The following CELF2 variants were observed in gnomAD, a reference collection of about 807,000 sequenced individuals.
CELF2 encodes CUG triplet repeat RNA-binding protein 2.
In CELF2, 8 loss-of-function variants were observed where a neutral mutation model predicts 62.6. The observed-to-expected ratio is 0.13, with a 90% CI of 0.07 to 0.23. The LOEUF is 0.23. CELF2 is among the 10% of genes least tolerant of loss of function. CELF2 has a pLI of 1.00. For synonymous variants in CELF2, 258 were observed against 250.0 expected (o/e 1.03, Z -0.30); for missense variants, 333 against 671.0 (o/e 0.50, Z 5.56).
the CELF2 span, among the ~76,000 whole-genome samples, chr10:10,676,571 A>C: frequency 1.3e-5 from 2 of 152,216 alleles, no homozygotes; most frequent in Non-Finnish European, 2.9e-5. Flanking sequence ...CAAAAGTGTG[A>C]TGGGGTTCCC....
chr10:10,728,518 A>G, the CELF2 span, among the ~76,000 whole-genome samples: 6 of 151,552 alleles, frequency 4.0e-5, no homozygotes, highest in African/African-American at 1.5e-4. Flanking sequence ...GCAGGAAAGC[A>G]CCCAGGAAGG....
At chr10:10,475,836 T>G in the CELF2 span, among the ~76,000 whole-genome samples, 1 of 152,268 alleles carries the variant, frequency 6.6e-6, no homozygotes, top group African/African-American at 2.4e-5. Flanking sequence ...GAGTGCATTT[T>G]TCTTTGAGTG....
At chr10:10,558,643 C>T in the CELF2 span, among the ~76,000 whole-genome samples, 3 of 152,000 alleles carry the variant, frequency 2.0e-5, no homozygotes, top group African/African-American at 4.8e-5. Context: ...TGGTAGAATT[C>T]GGCTGTGAAT....
At chr10:10,778,297 C>T in the CELF2 span, among the ~76,000 whole-genome samples, 24 of 152,272 alleles carry the variant, frequency 1.6e-4, no homozygotes, top group Admixed American at 1.4e-3. Flanking sequence ...ATCTCAATGC[C>T]TTCCTGCATG....
the CELF2 span, among the ~76,000 whole-genome samples, chr10:10,718,029 T>C: frequency 6.6e-6 from 1 of 152,350 alleles, no homozygotes; most frequent in East Asian, 1.9e-4. Flanking sequence ...TCATGTAGAT[T>C]ATATAACTTC....
intron 1 of CELF2, among the ~76,000 whole-genome samples, chr10:11,043,460 G>T (rs745861366): frequency 2.0e-5 from 3 of 152,174 alleles, no homozygotes; most frequent in Non-Finnish European, 2.9e-5. Context: ...CCAGTTGTGT[G>T]TTTCTAGCCT....
At chr10:11,007,615 C>T (rs2055524155) in intron 1 of CELF2, among the ~76,000 whole-genome samples, 1 of 152,110 alleles carries the variant, frequency 6.6e-6, no homozygotes, top group Admixed American at 6.5e-5. Flanking sequence ...CTCATTCCAT[C>T]GTATACCAAT....
At position 11,237,109 on chromosome 10, in the gene CELF2, A is replaced by T. The variant is rs997450343; in HGVS notation, c.355-12044A>T. On this transcript the variant is annotated intron_variant, in intron 3 of 12. Transcript: ENST00000633077. The surrounding 1 kb of genome is among the most constrained non-coding windows in gnomAD (Gnocchi z 4.0). ...AAGGCAATGACCAGAACTGGTGAGG[A>T]GGCTGTTTCGGGGATCCAGGTGAGC... Among the ~76,000 whole-genome samples the T allele has an allele frequency of 6.6e-6, 1 of 152,194 alleles. No homozygotes were observed. The highest frequency in any genetic ancestry group is 2.4e-5 in the African/African-American group (1 of 41,452).
chr10:11,326,309 T>C (rs150661431), intron 12 of CELF2, among the ~76,000 whole-genome samples: 32 of 152,358 alleles, frequency 2.1e-4, no homozygotes, highest in African/African-American at 7.2e-4. Flanking sequence ...TGGGGGCTTA[T>C]TGGCCTTGAC....
In CELF2 at chr10:10,951,203, A is replaced by G. The variant is rs937941074; in HGVS notation, c.89+31204A>G. Among the ~76,000 whole-genome samples, 9 of 151,960 alleles carry G rather than the reference A, an allele frequency of 5.9e-5. No homozygotes were observed. The South Asian group carries it at 1.9e-3, about 32-fold the overall frequency. Reference sequence around the variant, plus strand: ...TCTCACTCTGTTGCCCAGGCTGGAGATACGATCATAGTTCTCAGCAGCCTC... The same window carrying G: ...TCTCACTCTGTTGCCCAGGCTGGAGGTACGATCATAGTTCTCAGCAGCCTC... On this transcript the variant is annotated intron_variant, in intron 2 of 13. Coordinates refer to the CELF2 transcript ENST00000636488.
intron 1 of CELF2, among the ~76,000 whole-genome samples, chr10:11,091,883 G>A (rs185598563): frequency 3.9e-4 from 60 of 152,200 alleles, no homozygotes; most frequent in Non-Finnish European, 7.8e-4. Flanking sequence ...GAGGAAACCA[G>A]TAAGACGGTA....
At chr10:10,708,073 C>A in the CELF2 span, among the ~76,000 whole-genome samples, 1 of 152,144 alleles carries the variant, frequency 6.6e-6, no homozygotes, top group African/African-American at 2.4e-5. Context: ...GCTTTAGGAG[C>A]TGACTTGGAA....
At chr10:10,605,302 G>A in the CELF2 span, among the ~76,000 whole-genome samples, 4 of 152,132 alleles carry the variant, frequency 2.6e-5, no homozygotes, top group Non-Finnish European at 5.9e-5. Context: ...AGAGCATTAG[G>A]GAAAGGACCT....
At position 11,137,570 on chromosome 10, in the gene CELF2, G is replaced by T. The variant is rs76185790; in HGVS notation, c.75-27916G>T. 4.4e-3 allele frequency among the ~76,000 whole-genome samples: 671 copies of T among 152,240 alleles called. 3 individuals carry two copies. Among genetic ancestry groups the T allele is most frequent in the African/African-American group, 0.015 (643 of 41,534 alleles). ...TGAGTAATAGTACTTATCTGATAGG[G>T]ATATAGAAAATGTTAAATAGATGTT... is the stretch of plus-strand genomic sequence containing the variant. On this transcript the variant is annotated intron_variant, in intron 1 of 12. Coordinates refer to ENST00000633077, the MANE Select transcript of CELF2 (RefSeq NM_001326342.2).
chr10:11,203,716 T>C (rs2059793881), intron 2 of CELF2, among the ~76,000 whole-genome samples: 1 of 152,244 alleles, frequency 6.6e-6, no homozygotes, highest in African/African-American at 2.4e-5. Context: ...TGGACCCTTT[T>C]CAGAATTACA....
chr10:10,870,959 G>A (rs1401678651), intron 1 of CELF2, among the ~76,000 whole-genome samples: 1 of 152,186 alleles, frequency 6.6e-6, no homozygotes, highest in African/African-American at 2.4e-5. Flanking sequence ...TAGACAAGAG[G>A]CAGTGTACGC....
rs878950143 is a variant in CELF2 at position 11,319,691 on chromosome 10, C to T, written c.1097-1498C>T. 3 of 441,146 alleles carry T rather than the reference C, an allele frequency of 6.8e-6. No individual in the cohort carries two copies. The highest frequency in any genetic ancestry group is 7.0e-5 in the East Asian group (1 of 14,234). 27.3% of individuals were successfully genotyped at this position (441,146 alleles called of 1,614,324 possible). ...ATTCTCACGCCATTCACACTCGTCTCGCCACCCCTGCTTGGTGTCTGTTCT... is the reference window on the plus strand; with the variant it reads ...ATTCTCACGCCATTCACACTCGTCTTGCCACCCCTGCTTGGTGTCTGTTCT... On this transcript the variant is annotated intron_variant, in intron 10 of 12. Transcript: ENST00000633077. This position sits in a 1 kb window ranked among gnomAD's most constrained non-coding sequence, Gnocchi z 4.4.
At chr10:10,900,787 T>C (rs943867872) in intron 1 of CELF2, among the ~76,000 whole-genome samples, 2 of 152,164 alleles carry the variant, frequency 1.3e-5, no homozygotes, top group Non-Finnish European at 2.9e-5. Context: ...AATTAAACTG[T>C]CTTTCTGCAG....
intron 1 of CELF2, among the ~76,000 whole-genome samples, chr10:10,837,215 T>A (rs2058357683): frequency 6.6e-6 from 1 of 152,210 alleles, no homozygotes; most frequent in Non-Finnish European, 1.5e-5. Context: ...TGTGGTTTCC[T>A]CCATATTGTT....
Sources: allele counts gnomAD v4.1 joint callset (sites outside exome capture counted in the v4.1 genomes callset), GRCh38; gene constraint gnomAD v4.1.1; non-coding constraint Gnocchi (gnomAD v3.1); transcripts MANE v1.5; gene names NCBI Gene and HGNC (gene_info 2026-07-23, HGNC 2026-07-21).